The following MAPKAP1 variants were observed in gnomAD, a reference collection of about 807,000 sequenced individuals.
MAPKAP1 encodes target of rapamycin complex 2 subunit MAPKAP1.
In MAPKAP1, 20 loss-of-function variants were observed where a neutral mutation model predicts 65.7. The ratio of observed to expected loss-of-function variants is 0.30; its 90% CI spans 0.21 to 0.44. MAPKAP1 has a LOEUF of 0.44. Ranked by LOEUF, MAPKAP1 falls within the 20% of genes least tolerant of loss-of-function variation. MAPKAP1 has a pLI of 1.00. For synonymous variants in MAPKAP1, 222 were observed against 244.3 expected (o/e 0.91, Z 0.85); for missense variants, 423 against 648.0 (o/e 0.65, Z 3.77).
At chr9:125,460,293 A>C (rs1301688986) in intron 10 of MAPKAP1, among the ~76,000 whole-genome samples, 2 of 152,082 alleles carry the variant, frequency 1.3e-5, no homozygotes, top group African/African-American at 4.8e-5. Context: ...AGCAAAAAGG[A>C]GGCTTCTCCC....
At chr9:125,626,126 G>A (rs1470246014) in intron 4 of MAPKAP1, among the ~76,000 whole-genome samples, 1 of 152,250 alleles carries the variant, frequency 6.6e-6, no homozygotes, top group African/African-American at 2.4e-5. Context: ...CTATAGAATT[G>A]TAAGGGAACT....
At chr9:125,473,921 A>G (rs913918991) in intron 9 of MAPKAP1, among the ~76,000 whole-genome samples, 4 of 152,214 alleles carry the variant, frequency 2.6e-5, no homozygotes, top group Admixed American at 1.3e-4. Context: ...AGATGATAAT[A>G]ATACACATAA....
At chr9:125,467,893 T>C in intron 10 of MAPKAP1, 79 bp downstream of exon 10, 1 of 1,472,902 alleles carries the variant, frequency 6.8e-7, no homozygotes, top group Non-Finnish European at 9.3e-7. Flanking sequence ...AGTGGCAATA[T>C]ATTCTCCTGG....
At chr9:125,559,891 A>C (rs191680144) in intron 5 of MAPKAP1, 82 bp from the exon 6 acceptor site, 1 of 1,364,760 alleles carries the variant, frequency 7.3e-7, no homozygotes, top group East Asian at 2.4e-5. Flanking sequence ...CACAGCAAGC[A>C]AATTGAGGAG....
At chr9:125,653,490 C>T (rs1833949009) in intron 4 of MAPKAP1, among the ~76,000 whole-genome samples, 1 of 152,148 alleles carries the variant, frequency 6.6e-6, no homozygotes, top group Non-Finnish European at 1.5e-5. Context: ...TTCCTCCAGG[C>T]AGAGGGAGAA....
chr9:125,447,373 G>C lies in MAPKAP1; in HGVS notation c.1346-2775C>G, dbSNP rs1416032591. On this transcript the variant is annotated intron_variant, in intron 10 of 11. Transcript: ENST00000265960. This position sits in a 1 kb window ranked among gnomAD's most constrained non-coding sequence, Gnocchi z 4.5. The stretch of plus-strand genomic sequence containing the variant: ...GCAGAGAACGTTCTGTGGAGCACTT[G>C]TGTTTGGACTTGAACAATGACACAG... 2.2e-6 allele frequency: 1 copy of C among 456,598 alleles called. No homozygotes were observed. Among genetic ancestry groups the C allele is most frequent in the Admixed American group, 2.3e-5 (1 of 42,580 alleles). The allele number at this position is 456,598 out of a possible 1,614,324, so 28.3% of individuals were successfully genotyped here.
intron 1 of MAPKAP1, among the ~76,000 whole-genome samples, chr9:125,681,753 T>C (rs543296488): frequency 2.0e-5 from 3 of 152,306 alleles, no homozygotes; most frequent in Non-Finnish European, 2.9e-5. Context: ...TGTATTCTAT[T>C]TTATACTACA....
chr9:125,697,210 G>C (rs965959629), intron 1 of MAPKAP1, among the ~76,000 whole-genome samples: 1 of 152,188 alleles, frequency 6.6e-6, no homozygotes, highest in Admixed American at 6.5e-5. Context: ...CAAAATAAAA[G>C]AGGTGAAAAC....
chr9:125,469,717 A>G (rs1039195418), intron 9 of MAPKAP1, among the ~76,000 whole-genome samples: 3 of 152,164 alleles, frequency 2.0e-5, no homozygotes. Context: ...ATTAGGCATA[A>G]TGTCGTAAGT....
At chr9:125,636,050 G>C (rs1465751151) in intron 4 of MAPKAP1, among the ~76,000 whole-genome samples, 1 of 152,218 alleles carries the variant, frequency 6.6e-6, no homozygotes, top group Non-Finnish European at 1.5e-5. Flanking sequence ...AACAGCTGCT[G>C]CTTTGAAGTG....
rs189162786 is a variant in MAPKAP1 at position 125,666,461 on chromosome 9, G to C, written c.349+3357C>G. Among the ~76,000 whole-genome samples the C allele has an allele frequency of 1.5e-3, 232 of 152,166 alleles. 1 individual carries two copies. Among genetic ancestry groups the C allele is most frequent in the South Asian group, 2.9e-3 (14 of 4,816 alleles). On this transcript the variant is annotated intron_variant, in intron 3 of 11. Coordinates refer to ENST00000265960, the MANE Select transcript of MAPKAP1 (RefSeq NM_001006617.3). The stretch of plus-strand genomic sequence containing the variant: ...GGGGAATGAAATAAAACAAAGATAA[G>C]AAAAACAAATGAAAGGATTTTAGCA...
At chr9:125,674,067 G>A (rs558486451) in intron 1 of MAPKAP1, among the ~76,000 whole-genome samples, 1 of 152,176 alleles carries the variant, frequency 6.6e-6, no homozygotes, top group South Asian at 2.1e-4. Flanking sequence ...CAACGGTTAG[G>A]TACTAGGCCC....
chr9:125,657,351 A>G (rs572453426), intron 4 of MAPKAP1, among the ~76,000 whole-genome samples: 170 of 152,136 alleles, frequency 1.1e-3, no homozygotes, highest in African/African-American at 2.0e-3. Flanking sequence ...ACATATATAT[A>G]TGTGTGTTGG....
chr9:125,685,648 T>C (rs892880733), intron 1 of MAPKAP1, among the ~76,000 whole-genome samples: 7 of 152,366 alleles, frequency 4.6e-5, no homozygotes, highest in South Asian at 2.1e-4. Flanking sequence ...ACAAATCACA[T>C]TGGCATTTCT....
intron 9 of MAPKAP1, among the ~76,000 whole-genome samples, chr9:125,478,877 G>A (rs571042979): frequency 6.0e-4 from 91 of 152,164 alleles, no homozygotes; most frequent in Non-Finnish European, 8.5e-4. Flanking sequence ...CAATATCAAT[G>A]TGCTGTGTAG....
At chr9:125,630,252 A>G (rs539778707) in intron 4 of MAPKAP1, among the ~76,000 whole-genome samples, 29 of 152,096 alleles carry the variant, frequency 1.9e-4, no homozygotes, top group Admixed American at 1.0e-3. Context: ...CAGCCTCCCA[A>G]GTAGCTGAGA....
chr9:125,648,524 G>C (rs1283210054), intron 4 of MAPKAP1, among the ~76,000 whole-genome samples: 1 of 152,224 alleles, frequency 6.6e-6, no homozygotes, highest in Non-Finnish European at 1.5e-5. Flanking sequence ...CTACATCAGA[G>C]AGAAGGAACT....
intron 10 of MAPKAP1, among the ~76,000 whole-genome samples, chr9:125,454,946 G>A (rs913501473): frequency 2.6e-5 from 4 of 152,092 alleles, no homozygotes; most frequent in Non-Finnish European, 5.9e-5. Flanking sequence ...AGCACTTTGG[G>A]AGGCCAAGAT....
intron 1 of MAPKAP1, among the ~76,000 whole-genome samples, chr9:125,680,738 TG>T (rs1834797793): frequency 6.6e-6 from 1 of 152,234 alleles, no homozygotes; most frequent in African/African-American, 2.4e-5. Flanking sequence ...AATACTGGCC[TG>T]CCCCCTCCAG....
Sources: gnomAD v4.1 joint callset for allele counts (sites outside exome capture counted in the v4.1 genomes callset) on GRCh38, gnomAD v4.1.1 for gene constraint, Gnocchi (gnomAD v3.1) non-coding constraint, MANE v1.5 for transcripts, NCBI Gene and HGNC (gene_info 2026-07-23, HGNC 2026-07-21) for gene names.